The following TTC7A variants were observed in gnomAD, a reference collection of about 807,000 sequenced individuals.
TTC7A encodes tetratricopeptide repeat protein 7A.
In TTC7A, 110 loss-of-function variants were observed where a neutral mutation model predicts 103.7. The observed-to-expected ratio is 1.06, with a 90% CI of 0.91 to 1.24. TTC7A has a LOEUF of 1.24. Among genes scored for constraint, TTC7A ranks in the 50% most tolerant of loss-of-function variants. The pLI is 0.00. For synonymous variants in TTC7A, 521 were observed against 467.9 expected (o/e 1.11, Z -1.47); for missense variants, 1,340 against 1,116.3 (o/e 1.20, Z -2.86).
chr2:46,995,114 G>T, intron 7 of TTC7A, 22 bp from the exon 8 acceptor site: 1 of 1,613,796 alleles, frequency 6.2e-7, no homozygotes, highest in East Asian at 2.2e-5. Flanking sequence ...CTCTAGCCAG[G>T]CCTGTCATTG....
chr2:46,930,666 A>G (rs377675213), intron 2 of TTC7A, among the ~76,000 whole-genome samples: 10 of 152,004 alleles, frequency 6.6e-5, no homozygotes, highest in African/African-American at 2.4e-4. Flanking sequence ...CGTGCAGCTA[A>G]TTTTTGTATT....
chr2:46,996,966 GT>G (rs10601116), intron 8 of TTC7A, among the ~76,000 whole-genome samples: 25,198 of 146,944 alleles, frequency 0.17, 2,290 homozygotes, highest in Admixed American at 0.19. Context: ...TTTTGTGGTG[GT>G]TGTTGTTGTT....
rs1411992422 is a variant in TTC7A, at chr2:46,941,399, C to T, written c.-143C>T. Reference sequence around the variant, plus strand: ...TGCTGCTGCTGCCCACCCTCCGCCGCCCGGGCCCCCGCTGCCGCCCGGGCC... The same window carrying T: ...TGCTGCTGCTGCCCACCCTCCGCCGTCCGGGCCCCCGCTGCCGCCCGGGCC... On this transcript the variant is annotated 5_prime_UTR_variant, in exon 1 of 20. Coordinates refer to ENST00000319190, the MANE Select transcript of TTC7A (RefSeq NM_020458.4). This position sits in a 1 kb window ranked among gnomAD's most constrained non-coding sequence, Gnocchi z 4.2. 1.5e-5 allele frequency: 10 copies of T among 685,444 alleles called. No individual in the cohort carries two copies. The highest frequency in any genetic ancestry group is 1.9e-5 in the Non-Finnish European group (10 of 521,610). 42.5% of individuals were successfully genotyped at this position (685,444 alleles called of 1,614,324 possible).
intron 1 of TTC7A, among the ~76,000 whole-genome samples, chr2:46,948,116 G>A (rs1048364721): frequency 2.6e-5 from 4 of 152,236 alleles, no homozygotes; most frequent in Non-Finnish European, 4.4e-5. Flanking sequence ...CTGGTGGCAC[G>A]GTGGCCCAAG....
Position 46,941,600 on chromosome 2 carries a change from G to A in TTC7A, c.59G>A (p.Cys20Tyr), listed in dbSNP as rs762989436. The A allele has an allele frequency of 3.9e-5, 60 of 1,556,812 alleles. No homozygotes were observed. In the Middle Eastern group the frequency reaches 8.4e-4, roughly 22 times the overall value. Residue 20 changes from cysteine to tyrosine, a missense_variant, in exon 1 of 20, where the codon TGC (cysteine) becomes TAC (tyrosine). Cys to Tyr is a radical substitution (Grantham distance 194). Transcript: ENST00000319190. This position sits in a 1 kb window ranked among gnomAD's most constrained non-coding sequence, Gnocchi z 4.2. ...YLKVESELER[C>Y]RAEGHWDRMP... ...AAGGTGGAGAGCGAGCTGGAGCGCT[G>A]CCGCGCCGAGGGCCACTGGGACCGC... is the stretch of plus-strand genomic sequence containing the variant.
At chr2:46,986,772 C>T (rs1558541036) in intron 5 of TTC7A, among the ~76,000 whole-genome samples, 1 of 152,168 alleles carries the variant, frequency 6.6e-6, no homozygotes, top group Non-Finnish European at 1.5e-5. Context: ...CAGGCAGTGC[C>T]CGCCCCCAGA....
At chr2:47,073,119 A>T (rs905650732) in intron 19 of TTC7A, among the ~76,000 whole-genome samples, 1 of 152,080 alleles carries the variant, frequency 6.6e-6, no homozygotes, top group African/African-American at 2.4e-5. Flanking sequence ...GCCACCGCAC[A>T]CGCACACGTT....
intron 5 of TTC7A, among the ~76,000 whole-genome samples, chr2:46,992,672 A>G (rs1029991905): frequency 6.6e-6 from 1 of 152,312 alleles, no homozygotes; most frequent in Admixed American, 6.5e-5. Flanking sequence ...TAGACCCCCA[A>G]GGCGCAGTGG....
At chr2:47,052,185 A>G (rs1279496318) in intron 18 of TTC7A, among the ~76,000 whole-genome samples, 1 of 152,190 alleles carries the variant, frequency 6.6e-6, no homozygotes, top group Non-Finnish European at 1.5e-5. Flanking sequence ...TGGAGAGCTC[A>G]GAGAGGGGAG....
At chr2:46,936,845 A>G (rs1379483080), upstream of TTC7A, among the ~76,000 whole-genome samples, 2 of 151,326 alleles carry the variant, frequency 1.3e-5, no homozygotes, top group African/African-American at 4.9e-5. Flanking sequence ...CATACAAAAG[A>G]AACAGGATTC....
chr2:46,969,330 C>T (rs922211634), intron 3 of TTC7A, among the ~76,000 whole-genome samples: 8 of 152,028 alleles, frequency 5.3e-5, no homozygotes, highest in African/African-American at 1.7e-4. Flanking sequence ...GGCGAAACCC[C>T]ATCTCTACTA....
chr2:47,014,989 G>T (rs1425465419), intron 11 of TTC7A, among the ~76,000 whole-genome samples: 1 of 152,260 alleles, frequency 6.6e-6, no homozygotes. Flanking sequence ...GGACGTGCAT[G>T]GTCACGTGCT....
intron 19 of TTC7A, chr2:47,071,104 G>T (rs773059909): frequency 6.6e-6 from 1 of 152,384 alleles, no homozygotes; most frequent in Non-Finnish European, 1.5e-5. Context: ...CAGGTCCTAG[G>T]TGCAGCGCTG....
rs1572718411 is a variant in TTC7A, at chr2:46,957,020, A to C, written c.517+13A>C. 6.2e-7 allele frequency: 1 copy of C among 1,613,998 alleles called. No individual in the cohort carries two copies. ...TTTGTCATCAAAGGTAGCTGTGGGC[A>C]CCAGCCTGGGCTCCCCTCCACTGTG... On this transcript the variant is annotated intron_variant, in intron 3 of 19. Coordinates refer to ENST00000319190, the MANE Select transcript of TTC7A (RefSeq NM_020458.4).
rs200015445 is a variant in TTC7A at position 47,060,927 on chromosome 2, G to T, written c.2311G>T (p.Ala771Ser). Reference sequence around the variant, plus strand: ...GGAGGCCAAGCAGCTGTACAAGGAGGCGCTCACGGTGAACCCAGATGGCGT... The same window carrying T: ...GGAGGCCAAGCAGCTGTACAAGGAGTCGCTCACGGTGAACCCAGATGGCGT... ...LEEAKQLYKEALTVNPDGVRI... is the reference protein window; with the variant it reads ...LEEAKQLYKESLTVNPDGVRI... The change falls in exon 19 of 20, where the codon GCG (alanine) becomes TCG (serine). Residue 771 changes from alanine to serine, a missense_variant. Transcript: ENST00000319190. 6.2e-7 allele frequency: 1 copy of T among 1,614,112 alleles called. No individual in the cohort carries two copies.
At position 47,055,838 on chromosome 2, in the gene TTC7A, C is replaced by T. The variant is rs190357986; in HGVS notation, c.2152+3958C>T. On this transcript the variant is annotated intron_variant, in intron 18 of 19. Transcript: ENST00000319190. ...TGGGGGGCTGGGGTGGGGTGGCCAG[C>T]GCTGTGGCTGAAGCGGGTGTTTATG... Among the ~76,000 whole-genome samples, 390 of 152,216 alleles carry T rather than the reference C, an allele frequency of 2.6e-3. 3 individuals are homozygous for T. Among genetic ancestry groups the T allele is most frequent in the Non-Finnish European group, 4.4e-3 (302 of 67,992 alleles).
At position 46,962,108 on chromosome 2, in the gene TTC7A, T is replaced by G. The variant is rs191394022; in HGVS notation, c.517+5101T>G. Among the ~76,000 whole-genome samples the G allele has an allele frequency of 3.3e-5, 5 of 152,238 alleles. No homozygotes were observed. The East Asian group carries it at 9.7e-4, about 29-fold the overall frequency. ...TTTGTACCCTCAACCAATCTCCCTC[T>G]CTCCTTTCCTGAAGCCCCACCTGTC... On this transcript the variant is annotated intron_variant, in intron 3 of 19. Coordinates refer to ENST00000319190, the MANE Select transcript of TTC7A (RefSeq NM_020458.4).
chr2:47,070,381 C>T (rs376788845), intron 19 of TTC7A, among the ~76,000 whole-genome samples: 1 of 152,244 alleles, frequency 6.6e-6, no homozygotes, highest in Non-Finnish European at 1.5e-5. Context: ...TGGGCAGCAT[C>T]CCTGATCGGA....
intron 8 of TTC7A, among the ~76,000 whole-genome samples, chr2:46,995,406 G>A (rs1007141334): frequency 6.6e-6 from 1 of 152,206 alleles, no homozygotes; most frequent in Non-Finnish European, 1.5e-5. Context: ...TCATTTGGAG[G>A]CCTGCGTTCT....
Sources: allele counts gnomAD v4.1 joint callset (sites outside exome capture counted in the v4.1 genomes callset), GRCh38; gene constraint gnomAD v4.1.1; non-coding constraint Gnocchi (gnomAD v3.1); transcripts MANE v1.5; gene names NCBI Gene and HGNC (gene_info 2026-07-23, HGNC 2026-07-21).